MAML2: variants seen among roughly 807,000 people sequenced by gnomAD.
MAML2 encodes the protein mastermind-like protein 2.
A neutral mutation model predicts 96.1 loss-of-function variants in MAML2; 22 were observed. The observed-to-expected ratio is 0.23, with a 90% confidence interval of 0.16 to 0.33. MAML2 has a LOEUF of 0.33. Among genes scored for constraint, MAML2 ranks in the 10% least tolerant of loss-of-function variants. The probability of loss-of-function intolerance (pLI) is 1.00; values close to 1 mark genes in which losing one functional copy is unlikely to be tolerated. For missense variants in MAML2, 1,367 were observed against 1,392.4 expected (o/e 0.98, Z 0.29); for synonymous variants, 561 against 521.3 (o/e 1.08, Z -1.04).
intron 1 of MAML2, among the ~76,000 whole-genome samples, chr11:96,279,898 A>G (rs534870754): frequency 1.6e-4 from 25 of 152,352 alleles, no homozygotes; most frequent in African/African-American, 5.5e-4. Context: ...CATCTCAAAA[A>G]GAAGTCACAG....
chr11:96,081,307 T>G (rs140190699), intron 2 of MAML2, among the ~76,000 whole-genome samples: 1 of 152,190 alleles, frequency 6.6e-6, no homozygotes, highest in African/African-American at 2.4e-5. Context: ...ATTATGAATA[T>G]GAATATTTAT....
intron 2 of MAML2, among the ~76,000 whole-genome samples, chr11:96,018,045 T>A (rs1858382858): frequency 6.6e-6 from 1 of 151,918 alleles, no homozygotes; most frequent in South Asian, 2.1e-4. Context: ...AATTCAGAGG[T>A]GAGATGGCAG....
chr11:96,259,425 C>A (rs1024459189), intron 1 of MAML2, among the ~76,000 whole-genome samples: 1 of 152,186 alleles, frequency 6.6e-6, no homozygotes, highest in Non-Finnish European at 1.5e-5. Flanking sequence ...ATCTCAATAA[C>A]CCTTTAAAGT....
At chr11:96,222,100 A>G (rs1223200710) in intron 1 of MAML2, among the ~76,000 whole-genome samples, 1 of 152,120 alleles carries the variant, frequency 6.6e-6, no homozygotes, top group Non-Finnish European at 1.5e-5. Flanking sequence ...GTAAGTCTTC[A>G]GGCTGGCAGC....
intron 2 of MAML2, among the ~76,000 whole-genome samples, chr11:96,029,515 T>C (rs992130859): frequency 2.0e-5 from 3 of 152,202 alleles, no homozygotes; most frequent in Non-Finnish European, 4.4e-5. Flanking sequence ...GCAAAAATTA[T>C]GCCTTCCTGT....
Position 96,342,099 on chromosome 11 carries a change from A to C in MAML2, c.-204T>G. 1 of 557,866 alleles carries C rather than the reference A, an allele frequency of 1.8e-6. No homozygotes were observed. Among genetic ancestry groups the C allele is most frequent in the South Asian group, 2.6e-5 (1 of 38,566 alleles). The allele number at this position is 557,866 out of a possible 1,614,324, so 34.6% of individuals were successfully genotyped here. On this transcript the variant is annotated 5_prime_UTR_variant, in exon 1 of 5. Coordinates refer to ENST00000524717, the MANE Select transcript of MAML2 (RefSeq NM_032427.4). ...AAAGAGGGTGGGGAGAAAGAATAGA[A>C]ACCAACTGGGGGGAGGATAAGTTGG... is the stretch of plus-strand genomic sequence containing the variant.
chr11:96,182,885 A>G (rs868764153), intron 1 of MAML2, among the ~76,000 whole-genome samples: 2 of 152,046 alleles, frequency 1.3e-5, no homozygotes, highest in Middle Eastern at 3.4e-3. Context: ...TGTTGTCGCT[A>G]TCATACCCGT....
intron 1 of MAML2, among the ~76,000 whole-genome samples, chr11:96,329,925 T>C (rs937621778): frequency 2.6e-5 from 4 of 152,240 alleles, no homozygotes; most frequent in Non-Finnish European, 4.4e-5. Flanking sequence ...CAAAGTCTTC[T>C]GTGACCTAGA....
intron 1 of MAML2, among the ~76,000 whole-genome samples, chr11:96,278,592 A>G (rs749489717): frequency 2.0e-5 from 3 of 152,192 alleles, no homozygotes; most frequent in African/African-American, 4.8e-5. Flanking sequence ...TAGATCACAC[A>G]GGCTTTCCTA....
intron 1 of MAML2, among the ~76,000 whole-genome samples, chr11:96,232,491 A>G (rs141076539): frequency 1.3e-5 from 2 of 150,574 alleles, no homozygotes; most frequent in East Asian, 2.0e-4. Context: ...TTTCTTTGAG[A>G]TGGAATCTCA....
chr11:96,042,077 G>T (rs61903871), intron 2 of MAML2, among the ~76,000 whole-genome samples: 93,920 of 150,724 alleles, frequency 0.62, 30,485 homozygotes, highest in East Asian at 0.86. Context: ...CCCGGGTTCA[G>T]GCCATTCTCC....
intron 2 of MAML2, among the ~76,000 whole-genome samples, chr11:96,018,243 A>G (rs564840558): frequency 6.6e-6 from 1 of 152,292 alleles, no homozygotes; most frequent in African/African-American, 2.4e-5. Flanking sequence ...GAGGAGTTGG[A>G]AATAGGGAAT....
In MAML2 at chr11:96,307,092, G is replaced by A. The variant is rs75386803; in HGVS notation, c.513+34291C>T. On this transcript the variant is annotated intron_variant, in intron 1 of 4. Transcript: ENST00000524717. ...ATAAGTCACAACAGTTTGGCACCTC[G>A]CCCAACAAAATACAAACTCTCCTGA... Among the ~76,000 whole-genome samples, 1,317 of 152,082 alleles carry A rather than the reference G, an allele frequency of 8.7e-3. 14 individuals carry two copies. The highest frequency in any genetic ancestry group is 0.03 in the African/African-American group (1,235 of 41,466).
chr11:96,332,920 A>G (rs1259583702), intron 1 of MAML2, among the ~76,000 whole-genome samples: 1 of 152,230 alleles, frequency 6.6e-6, no homozygotes, highest in Non-Finnish European at 1.5e-5. Flanking sequence ...CCTGGTTACC[A>G]GGACTCTAAG....
At position 95,991,687 on chromosome 11, in the gene MAML2, T is replaced by G; in HGVS notation, c.2176A>C (p.Ser726Arg). 1 of 1,613,666 alleles carries G rather than the reference T, an allele frequency of 6.2e-7. No homozygotes were observed. Among genetic ancestry groups the G allele is most frequent in the Non-Finnish European group, 8.5e-7 (1 of 1,179,694 alleles). The change falls in exon 3 of 5, where the codon AGT (serine) becomes CGT (arginine). Residue 726 changes from serine to arginine, a missense_variant. By Grantham distance (110) the Ser-to-Arg change is moderately radical (BLOSUM62 -1). Coordinates refer to ENST00000524717, the MANE Select transcript of MAML2 (RefSeq NM_032427.4). ...TTTGAGCAGGGGTTAGGACTTGGAC[T>G]GGGGCCTGTGTTCTGGCCTACCACA... Reference protein sequence around the residue: ...HSVVGQNTGPSPSPNPCSNPN... With the variant: ...HSVVGQNTGPRPSPNPCSNPN...
At chr11:96,280,136 C>T (rs1309748789) in intron 1 of MAML2, among the ~76,000 whole-genome samples, 1 of 152,202 alleles carries the variant, frequency 6.6e-6, no homozygotes, top group Non-Finnish European at 1.5e-5. Context: ...TATGCTATTT[C>T]ACCCAGTTCA....
chr11:95,985,311 C>T (rs1223665524), intron 4 of MAML2, among the ~76,000 whole-genome samples: 1 of 152,026 alleles, frequency 6.6e-6, no homozygotes, highest in East Asian at 1.9e-4. Context: ...CAGAGGTAGT[C>T]CAGAGAGTGG....
intron 1 of MAML2, among the ~76,000 whole-genome samples, chr11:96,336,840 G>A (rs1376458125): frequency 2.6e-5 from 4 of 152,306 alleles, no homozygotes; most frequent in Admixed American, 1.3e-4. Flanking sequence ...ATTTAAAAAT[G>A]TTTACAATAC....
intron 2 of MAML2, among the ~76,000 whole-genome samples, chr11:96,036,451 T>G (rs962187023): frequency 1.3e-5 from 2 of 152,142 alleles, no homozygotes; most frequent in African/African-American, 4.8e-5. Flanking sequence ...TGATCACCAT[T>G]CCTGACTCAG....
Sources: gnomAD v4.1 joint callset for allele counts (sites outside exome capture counted in the v4.1 genomes callset) on GRCh38, gnomAD v4.1.1 for gene constraint, MANE v1.5 for transcripts, NCBI Gene and HGNC (gene_info 2026-07-23, HGNC 2026-07-21) for gene names.